RILP: variants seen among roughly 807,000 people sequenced by gnomAD.
The protein encoded by RILP is rab-interacting lysosomal protein.
A neutral mutation model predicts 40.0 loss-of-function variants in RILP; 53 were observed. That is an observed-to-expected ratio of 1.32 (90% CI 1.06 to 1.66). The LOEUF (loss-of-function observed/expected upper bound fraction) is 1.66. Ranked by LOEUF, RILP falls within the 40% of genes most tolerant of loss-of-function variation. RILP has a pLI of 0.00. For synonymous variants in RILP, 272 were observed against 250.6 expected, an observed-to-expected ratio of 1.09 and a Z score of -0.80; for missense variants, 626 against 551.7, an observed-to-expected ratio of 1.13 and a Z score of -1.35.
At position 1,646,708 on chromosome 17, in the gene RILP, A is replaced by G; in HGVS notation, c.1029-89T>C. On this transcript the variant is annotated intron_variant, in intron 7 of 7. Transcript: ENST00000301336. The surrounding 1 kb of genome is among the most constrained non-coding windows in gnomAD (Gnocchi z 4.3). ...GGGCAGGGGATGGTGAGAAAAGGGG[A>G]GAGGGGGAAGAAAGGGCAGCCTGAG... is the stretch of plus-strand genomic sequence containing the variant. 7.3e-7 allele frequency: 1 copy of G among 1,370,722 alleles called. No individual in the cohort carries two copies. Among genetic ancestry groups the G allele is most frequent in the South Asian group, 1.4e-5 (1 of 72,292 alleles). The allele number at this position is 1,370,722 out of a possible 1,614,324, so 84.9% of individuals were successfully genotyped here.
rs1480646768 is a variant in RILP, at chr17:1,649,587, G to A, written c.218C>T (p.Ala73Val). 2.6e-6 allele frequency: 4 copies of A among 1,563,864 alleles called. No individual in the cohort carries two copies. Among genetic ancestry groups the A allele is most frequent in the Non-Finnish European group, 3.4e-6 (4 of 1,163,366 alleles). Residue 73 changes from alanine (A) to valine (V), a missense_variant, in exon 1 of 8, where the codon GCC becomes GTC. Coordinates refer to ENST00000301336, the MANE Select transcript of RILP (RefSeq NM_031430.3). The surrounding 1 kb of genome is among the most constrained non-coding windows in gnomAD (Gnocchi z 4.3). The part of the protein sequence containing the change: ...ELLEQAAVGP[A>V]PDSLQVSAQP... ...AGGGCCATGACTCACCGAGTCCGGGGCGGGCCCCACGGCAGCCTGTTCCAA... is the reference window on the plus strand; with the variant it reads ...AGGGCCATGACTCACCGAGTCCGGGACGGGCCCCACGGCAGCCTGTTCCAA...
rs1350181053 is a variant in RILP, at chr17:1,649,184, C to G, written c.429+16G>C. On this transcript the variant is annotated intron_variant, in intron 3 of 7. Transcript: ENST00000301336. The surrounding 1 kb of genome is among the most constrained non-coding windows in gnomAD (Gnocchi z 4.3). ...CTCCGCCCCCGCCCCGCCCCAGAGC[C>G]CCGCCCCGCCCTCACCGCCTCGGTC... 2 of 1,428,758 alleles carry G rather than the reference C, an allele frequency of 1.4e-6. No homozygotes were observed. The highest frequency in any genetic ancestry group is 3.0e-5 in the African/African-American group (2 of 66,986). The allele number at this position is 1,428,758 out of a possible 1,614,324, so 88.5% of individuals were successfully genotyped here.
Position 1,646,683 on chromosome 17 carries a change from G to A in RILP, c.1029-64C>T. 17 of 1,481,692 alleles carry A rather than the reference G, an allele frequency of 1.1e-5. No homozygotes were observed. The highest frequency in any genetic ancestry group is 1.5e-5 in the Non-Finnish European group (17 of 1,098,684). 91.8% of individuals were successfully genotyped at this position (1,481,692 alleles called of 1,614,324 possible). A position where few individuals can be genotyped will look rare whatever the true frequency, so the allele number is the denominator to read the frequency against. On this transcript the variant is annotated intron_variant, in intron 7 of 7. Transcript: ENST00000301336. The surrounding 1 kb of genome is among the most constrained non-coding windows in gnomAD (Gnocchi z 4.3). ...CCAGAGAGGTCAAGGATATGGGTGA[G>A]GGCAGGGGATGGTGAGAAAAGGGGA...
chr17:1,647,299 C>T (rs1353348700), intron 6 of RILP, among the ~76,000 whole-genome samples: 1 of 152,004 alleles, frequency 6.6e-6, no homozygotes, highest in African/African-American at 2.4e-5. Flanking sequence ...GCCACCATGC[C>T]CGGCTAATTT....
chr17:1,646,871 C>T lies in RILP; in HGVS notation c.1028+35G>A, dbSNP rs373358901. Reference sequence around the variant, plus strand: ...GACCAGCCAGGGCCCTTCCTCCCTCCCCACACTCTTGCCTTTCCCCTTTCC... The same window carrying T: ...GACCAGCCAGGGCCCTTCCTCCCTCTCCACACTCTTGCCTTTCCCCTTTCC... On this transcript the variant is annotated intron_variant, in intron 7 of 7. Transcript: ENST00000301336. This position sits in a 1 kb window ranked among gnomAD's most constrained non-coding sequence, Gnocchi z 4.3. 80 of 1,490,782 alleles carry T rather than the reference C, an allele frequency of 5.4e-5. No homozygotes were observed. Among genetic ancestry groups the T allele is most frequent in the Non-Finnish European group, 7.2e-5 (79 of 1,094,464 alleles). The allele number at this position is 1,490,782 out of a possible 1,614,324, so 92.3% of individuals were successfully genotyped here. A position where few individuals can be genotyped will look rare whatever the true frequency, so the allele number is the denominator to read the frequency against.
rs1910731552 is a variant in RILP, at chr17:1,648,331, G to A, written c.821+19C>T. On this transcript the variant is annotated intron_variant, in intron 5 of 7. Coordinates refer to ENST00000301336, the MANE Select transcript of RILP (RefSeq NM_031430.3). The surrounding 1 kb of genome is among the most constrained non-coding windows in gnomAD (Gnocchi z 4.9). Reference sequence around the variant, plus strand: ...GAGGTGGGGTGATCGGAGGCCCCCCGGCTTCCCAGCGTCCTCACCGCTGGA... The same window carrying A: ...GAGGTGGGGTGATCGGAGGCCCCCCAGCTTCCCAGCGTCCTCACCGCTGGA... 1.2e-6 allele frequency: 2 copies of A among 1,610,396 alleles called. No homozygotes were observed. The highest frequency in any genetic ancestry group is 8.5e-7 in the Non-Finnish European group (1 of 1,178,578).
Position 1,649,022 on chromosome 17 carries a change from A to AGGCGC in RILP, c.447_451dup (p.Leu151ArgfsTer6). 8.8e-7 allele frequency: 1 copy of AGGCGC among 1,131,612 alleles called. No homozygotes were observed. The highest frequency in any genetic ancestry group is 1.1e-6 in the Non-Finnish European group (1 of 913,852). The allele number at this position is 1,131,612 out of a possible 1,614,324, so 70.1% of individuals were successfully genotyped here. On this transcript the variant is annotated frameshift_variant, in exon 4 of 8. Coordinates refer to ENST00000301336, the MANE Select transcript of RILP (RefSeq NM_031430.3). LOFTEE classifies it high-confidence loss of function. The surrounding 1 kb of genome is among the most constrained non-coding windows in gnomAD (Gnocchi z 4.3). Reference sequence around the variant, plus strand: ...CCGCAGCTCAGCGTTCACCAGCAGGAGGCGCTGCAGCTGCTCCTGCAACTG... The same window carrying AGGCGC: ...CCGCAGCTCAGCGTTCACCAGCAGGAGGCGCGGCGCTGCAGCTGCTCCTGCAACTG...
intron 6 of RILP, among the ~76,000 whole-genome samples, 192 bp downstream of exon 6, chr17:1,647,643 C>A (rs1910693815): frequency 1.3e-5 from 2 of 152,090 alleles, no homozygotes; most frequent in Admixed American, 1.3e-4. Flanking sequence ...TGGACAGCGG[C>A]CATGGGACAC....
intron 6 of RILP, 69 bp from the exon 7 acceptor site, chr17:1,647,058 AG>A: frequency 6.4e-6 from 7 of 1,098,442 alleles, no homozygotes; most frequent in Non-Finnish European, 7.7e-6. Flanking sequence ...GGAATCCAGC[AG>A]GGGGGATGGA....
Position 1,648,912 on chromosome 17 carries a change from G to A in RILP, c.562C>T (p.Pro188Ser), listed in dbSNP as rs1386613371. ...ERQQPGEAAT[P>S]QAKERARGQA... ...CCCCGCGCTCGCTCTTTAGCCTGCG[G>A]AGTCGCGGCTTCGCCAGGCTGCTGG... The change falls in exon 4 of 8, where the codon CCG becomes TCG. Residue 188 changes from proline (P) to serine (S), a missense_variant. Physicochemically the swap from Pro to Ser is moderately conservative, Grantham distance 74 (BLOSUM62 -1). Coordinates refer to ENST00000301336, the MANE Select transcript of RILP (RefSeq NM_031430.3). The surrounding 1 kb of genome is among the most constrained non-coding windows in gnomAD (Gnocchi z 4.9). The A allele has an allele frequency of 6.6e-7, 1 of 1,523,324 alleles. No homozygotes were observed. Among genetic ancestry groups the A allele is most frequent in the Non-Finnish European group, 8.8e-7 (1 of 1,142,304 alleles). 94.4% of individuals were successfully genotyped at this position (1,523,324 alleles called of 1,614,324 possible). A position where few individuals can be genotyped will look rare whatever the true frequency, so the allele number is the denominator to read the frequency against.
rs1433742097 is a variant in RILP at position 1,649,317 on chromosome 17, G to T, written c.323-11C>A. 2.7e-6 allele frequency: 4 copies of T among 1,498,706 alleles called. No homozygotes were observed. In the African/African-American group the frequency reaches 5.8e-5, roughly 22 times the overall value. The allele number at this position is 1,498,706 out of a possible 1,614,324, so 92.8% of individuals were successfully genotyped here. ...GCAGCGCGCGCTCCTCTGAGGAAGG[G>T]GCGTTCTTAGCGGCGGCGGCGCGCG... On this transcript the variant is annotated splice_polypyrimidine_tract_variant and intron_variant, in intron 2 of 7. Transcript: ENST00000301336. The surrounding 1 kb of genome is among the most constrained non-coding windows in gnomAD (Gnocchi z 4.3).
Position 1,649,069 on chromosome 17 carries a change from TGGGCG to T in RILP, c.430-30_430-26del. The T allele has an allele frequency of 3.9e-4, 7 of 17,744 alleles. No individual in the cohort carries two copies. The highest frequency in any genetic ancestry group is 5.3e-4 in the Non-Finnish European group (6 of 11,354). The allele number at this position is 17,744 out of a possible 1,614,324, so 1.1% of individuals were successfully genotyped here. On this transcript the variant is annotated intron_variant, in intron 3 of 7. Coordinates refer to ENST00000301336, the MANE Select transcript of RILP (RefSeq NM_031430.3). This position sits in a 1 kb window ranked among gnomAD's most constrained non-coding sequence, Gnocchi z 4.3. ...ACTGGGAGCGGAGCAAAGGGTGGGG[TGGGCG>T]GGGCACCGAGGGCCCCCCGGAGCCC...
chr17:1,647,780 T>C, intron 6 of RILP, 55 bp downstream of exon 6: 1 of 1,609,154 alleles, frequency 6.2e-7, no homozygotes, highest in Non-Finnish European at 8.5e-7. Context: ...GTCATCAGGC[T>C]CAGCAGAATG....
Position 1,649,315 on chromosome 17 carries a change from G to T in RILP, c.323-9C>A, listed in dbSNP as rs1329971744. On this transcript the variant is annotated splice_polypyrimidine_tract_variant and intron_variant, in intron 2 of 7. Transcript: ENST00000301336. The surrounding 1 kb of genome is among the most constrained non-coding windows in gnomAD (Gnocchi z 4.3). ...CAGCAGCGCGCGCTCCTCTGAGGAA[G>T]GGGCGTTCTTAGCGGCGGCGGCGCG... is the stretch of plus-strand genomic sequence containing the variant. 1 of 1,500,324 alleles carries T rather than the reference G, an allele frequency of 6.7e-7. No individual in the cohort carries two copies. The highest frequency in any genetic ancestry group is 1.2e-5 in the South Asian group (1 of 80,722). The allele number at this position is 1,500,324 out of a possible 1,614,324, so 92.9% of individuals were successfully genotyped here. A position where few individuals can be genotyped will look rare whatever the true frequency, so the allele number is the denominator to read the frequency against.
At position 1,646,725 on chromosome 17, in the gene RILP, C is replaced by A. The variant is rs1048144408; in HGVS notation, c.1029-106G>T. The A allele has an allele frequency of 2.4e-6, 3 of 1,259,006 alleles. No individual in the cohort carries two copies. In the Admixed American group the frequency reaches 6.9e-5, roughly 29 times the overall value. The allele number at this position is 1,259,006 out of a possible 1,614,324, so 78.0% of individuals were successfully genotyped here. A position where few individuals can be genotyped will look rare whatever the true frequency, so the allele number is the denominator to read the frequency against. ...AAAAGGGGAGAGGGGGAAGAAAGGG[C>A]AGCCTGAGGGAGTGTGAAGGTGATG... On this transcript the variant is annotated intron_variant, in intron 7 of 7. Coordinates refer to ENST00000301336, the MANE Select transcript of RILP (RefSeq NM_031430.3). The surrounding 1 kb of genome is among the most constrained non-coding windows in gnomAD (Gnocchi z 4.3).
In RILP at chr17:1,649,283, G is replaced by A. The variant is rs765998156; in HGVS notation, c.346C>T (p.Leu116Phe). 6.6e-7 allele frequency: 1 copy of A among 1,506,424 alleles called. No individual in the cohort carries two copies. Among genetic ancestry groups the A allele is most frequent in the Non-Finnish European group, 8.8e-7 (1 of 1,134,798 alleles). The allele number at this position is 1,506,424 out of a possible 1,614,324, so 93.3% of individuals were successfully genotyped here. A position where few individuals can be genotyped will look rare whatever the true frequency, so the allele number is the denominator to read the frequency against. Residue 116 changes from leucine (L) to phenylalanine (F), a missense_variant, in exon 3 of 8, where the codon CTC becomes TTC. By Grantham distance (22) the Leu-to-Phe change is conservative. Coordinates refer to ENST00000301336, the MANE Select transcript of RILP (RefSeq NM_031430.3). The surrounding 1 kb of genome is among the most constrained non-coding windows in gnomAD (Gnocchi z 4.3). ...CGCTGTCGGTCCGTGACCTCCTTGA[G>A]CTGCCGCAGCAGCGCGCGCTCCTCT... ...PQEERALLRQ[L>F]KEVTDRQRDE...
Position 1,649,013 on chromosome 17 carries a change from A to C in RILP, c.461T>G (p.Val154Gly). 1 of 1,184,452 alleles carries C rather than the reference A, an allele frequency of 8.4e-7. No homozygotes were observed. The highest frequency in any genetic ancestry group is 1.1e-6 in the Non-Finnish European group (1 of 939,266). The allele number at this position is 1,184,452 out of a possible 1,614,324, so 73.4% of individuals were successfully genotyped here. Reference sequence around the variant, plus strand: ...CAGCTTGTGCCGCAGCTCAGCGTTCACCAGCAGGAGGCGCTGCAGCTGCTC... The same window carrying C: ...CAGCTTGTGCCGCAGCTCAGCGTTCCCCAGCAGGAGGCGCTGCAGCTGCTC... ...LQEQLQRLLL[V>G]NAELRHKLAA... Residue 154 changes from valine to glycine, a missense_variant, in exon 4 of 8, where the codon GTG becomes GGG. Physicochemically the swap from Val to Gly is moderately radical, Grantham distance 109 (BLOSUM62 -3). Coordinates refer to ENST00000301336, the MANE Select transcript of RILP (RefSeq NM_031430.3). The surrounding 1 kb of genome is among the most constrained non-coding windows in gnomAD (Gnocchi z 4.3).
Position 1,646,461 on chromosome 17 carries a change from GAGGCCCCCAGACAA to G in RILP, c.1173_1186del (p.Cys392SerfsTer8). 2 of 1,589,016 alleles carry G rather than the reference GAGGCCCCCAGACAA, an allele frequency of 1.3e-6. No homozygotes were observed. Among genetic ancestry groups the G allele is most frequent in the Non-Finnish European group, 1.7e-6 (2 of 1,168,280 alleles). ...CCTAAGTCAGGCCTCTGGGGCGGCTGAGGCCCCCAGACAAAGGTGTTCGTGGAGGGCAGAACAGG... is the reference window on the plus strand; with the variant it reads ...CCTAAGTCAGGCCTCTGGGGCGGCTGAGGTGTTCGTGGAGGGCAGAACAGG... On this transcript the variant is annotated frameshift_variant, in exon 8 of 8. Coordinates refer to ENST00000301336, the MANE Select transcript of RILP (RefSeq NM_031430.3). LOFTEE classifies it high-confidence loss of function. The surrounding 1 kb of genome is among the most constrained non-coding windows in gnomAD (Gnocchi z 4.3).
rs1208388756 is a variant in RILP, at chr17:1,649,232, C to A, written c.397G>T (p.Asp133Tyr). Residue 133 changes from aspartate (D) to tyrosine (Y), a missense_variant, in exon 3 of 8, where the codon GAC becomes TAC. Coordinates refer to ENST00000301336, the MANE Select transcript of RILP (RefSeq NM_031430.3). This position sits in a 1 kb window ranked among gnomAD's most constrained non-coding sequence, Gnocchi z 4.3. ...GTCTCCTGGCCGCGCTGCCGCAGGT[C>A]GCGGTTGTGCGCCCGGAGTTCGTCC... ...QRDELRAHNR[D>Y]LRQRGQETEA... 4 of 1,426,764 alleles carry A rather than the reference C, an allele frequency of 2.8e-6. No homozygotes were observed. The highest frequency in any genetic ancestry group is 4.4e-5 in the Admixed American group (2 of 45,468). 88.4% of individuals were successfully genotyped at this position (1,426,764 alleles called of 1,614,324 possible).
Sources: allele counts gnomAD v4.1 joint callset (sites outside exome capture counted in the v4.1 genomes callset), GRCh38; gene constraint gnomAD v4.1.1; non-coding constraint Gnocchi (gnomAD v3.1); transcripts MANE v1.5; gene names NCBI Gene and HGNC (gene_info 2026-07-23, HGNC 2026-07-21).